Variants in RPAIN observed in about 807,000 individuals in gnomAD.
RPAIN encodes the protein RPA interacting protein.
In RPAIN, 29 loss-of-function variants were observed where a neutral mutation model predicts 30.5. That is an observed-to-expected ratio of 0.95 (90% CI 0.71 to 1.30). RPAIN has a LOEUF of 1.30. Ranked by LOEUF, RPAIN falls within the 50% of genes most tolerant of loss-of-function variation. The pLI, the probability that RPAIN is intolerant of heterozygous loss-of-function variation, is 0.00. For synonymous variants in RPAIN, 101 were observed against 93.5 expected, an observed-to-expected ratio of 1.08 and a Z score of -0.46; for missense variants, 247 against 264.7, an observed-to-expected ratio of 0.93 and a Z score of 0.46.
chr17:5,420,902 A>T (rs531871031), intron 1 of RPAIN, among the ~76,000 whole-genome samples: 1 of 152,330 alleles, frequency 6.6e-6, no homozygotes, highest in African/African-American at 2.4e-5. Context: ...GTCTCCAAGC[A>T]TTGCCAAATG....
At chr17:5,420,378 G>A in intron 1 of RPAIN, 87 bp downstream of exon 1, 1 of 1,192,510 alleles carries the variant, frequency 8.4e-7, no homozygotes, top group Non-Finnish European at 1.2e-6. Flanking sequence ...CTGCTCCGTG[G>A]AGCAGGTGCC....
intron 5 of RPAIN, chr17:5,426,574 T>A (rs1466439831): frequency 2.7e-6 from 1 of 370,900 alleles, no homozygotes; most frequent in African/African-American, 2.1e-5. Flanking sequence ...AACGCCTGTA[T>A]CTGACGTTTC....
chr17:5,422,497 C>T (rs1428187542), intron 2 of RPAIN, among the ~76,000 whole-genome samples: 3 of 152,148 alleles, frequency 2.0e-5, no homozygotes, highest in African/African-American at 7.2e-5. Flanking sequence ...CATGTGGTTA[C>T]GTAGCCTTGG....
chr17:5,428,290 CCT>C (rs1344960384), intron 6 of RPAIN, 79 bp downstream of exon 6: 1 of 1,605,764 alleles, frequency 6.2e-7, no homozygotes, highest in Non-Finnish European at 8.5e-7. Context: ...GAAATAATGA[CCT>C]ATAAACAGGT....
At chr17:5,431,564 A>G in intron 6 of RPAIN, 1 of 455,424 alleles carries the variant, frequency 2.2e-6, no homozygotes, top group South Asian at 1.6e-5. Flanking sequence ...AAAGGTAGAC[A>G]TTTGGAATGC....
intron 3 of RPAIN, among the ~76,000 whole-genome samples, chr17:5,423,662 AG>A (rs1331073028): frequency 6.6e-6 from 1 of 152,206 alleles, no homozygotes; most frequent in Admixed American, 6.5e-5. Context: ...TCCTTGAGGG[AG>A]GTGTCCATAG....
At position 5,428,235 on chromosome 17, in the gene RPAIN, C is replaced by G. The variant is rs371342862; in HGVS notation, c.630+24C>G. The G allele has an allele frequency of 9.9e-6, 16 of 1,613,986 alleles. No homozygotes were observed. In the African/African-American group the frequency reaches 2.1e-4, roughly 22 times the overall value. On this transcript the variant is annotated intron_variant, in intron 6 of 6. Coordinates refer to ENST00000381209, the MANE Select transcript of RPAIN (RefSeq NM_001033002.4). The stretch of plus-strand genomic sequence containing the variant: ...TGGTAAGCGTCTCCTGGGACCCACT[C>G]TGTGGTAAGAGGGACCTGTGGTTGG...
chr17:5,423,574 T>TG (rs1272070726), intron 3 of RPAIN, among the ~76,000 whole-genome samples: 13 of 152,182 alleles, frequency 8.5e-5, no homozygotes, highest in African/African-American at 3.1e-4. Context: ...ACAGTGATAG[T>TG]GCATGGTCTG....
At chr17:5,421,608 T>A in intron 2 of RPAIN, 142 bp downstream of exon 2, 3 of 637,468 alleles carry the variant, frequency 4.7e-6, no homozygotes. Context: ...TAACCCAGGC[T>A]TTTCTACACT....
chr17:5,427,988 T>C (rs1915561612), intron 5 of RPAIN, 83 bp from the exon 6 acceptor site: 6 of 1,365,294 alleles, frequency 4.4e-6, no homozygotes, highest in Non-Finnish European at 6.3e-6. Flanking sequence ...GCCACGGTTA[T>C]ATTGGTTGGC....
At chr17:5,420,862 C>A (rs918862317) in intron 1 of RPAIN, among the ~76,000 whole-genome samples, 4 of 152,164 alleles carry the variant, frequency 2.6e-5, no homozygotes, top group Non-Finnish European at 5.9e-5. Context: ...TGCTAATAGT[C>A]CTATAACTAG....
rs543684245 is a variant in RPAIN, at chr17:5,429,016, T to C, written c.630+805T>C. The C allele has an allele frequency of 5.4e-4, 532 of 978,144 alleles. 1 individual carries two copies. The highest frequency in any genetic ancestry group is 9.2e-4 in the Admixed American group (15 of 16,272). The allele number at this position is 978,144 out of a possible 1,614,324, so 60.6% of individuals were successfully genotyped here. Reference sequence around the variant, plus strand: ...ATTGCCTGGTAACAGCCATTTCACCTTTATCAAGTTTCTTCCATAGGTATT... The same window carrying C: ...ATTGCCTGGTAACAGCCATTTCACCCTTATCAAGTTTCTTCCATAGGTATT... On this transcript the variant is annotated intron_variant, in intron 6 of 6. Coordinates refer to ENST00000381209, the MANE Select transcript of RPAIN (RefSeq NM_001033002.4).
intron 6 of RPAIN, chr17:5,431,611 G>A: frequency 2.2e-6 from 1 of 456,660 alleles, no homozygotes; most frequent in East Asian, 7.0e-5. Context: ...CACTTAAGGG[G>A]GAATCAAGGA....
chr17:5,424,961 T>G lies in RPAIN; in HGVS notation c.314-1010T>G, dbSNP rs1041892640. ...CTGAAGTGACAAGGATTTACTGTGTTGTGCTGTACTCAGCCATAAGGAACA... is the reference window on the plus strand; with the variant it reads ...CTGAAGTGACAAGGATTTACTGTGTGGTGCTGTACTCAGCCATAAGGAACA... On this transcript the variant is annotated intron_variant, in intron 3 of 6. Coordinates refer to ENST00000381209, the MANE Select transcript of RPAIN (RefSeq NM_001033002.4). Among the ~76,000 whole-genome samples, 17 of 152,222 alleles carry G rather than the reference T, an allele frequency of 1.1e-4. 1 individual carries two copies. Among genetic ancestry groups the G allele is most frequent in the Non-Finnish European group, 2.4e-4 (16 of 68,048 alleles).
At chr17:5,431,637 C>A (rs1211559868) in intron 6 of RPAIN, 2 of 456,588 alleles carry the variant, frequency 4.4e-6, no homozygotes, top group African/African-American at 4.0e-5. Flanking sequence ...GTGTTAGAAT[C>A]CAGTGAGGTC....
chr17:5,432,439 G>A (rs1422985781), intron 6 of RPAIN, 103 bp from the exon 7 acceptor site: 3 of 1,073,004 alleles, frequency 2.8e-6, no homozygotes, highest in African/African-American at 1.6e-5. Flanking sequence ...GGACTCAGGA[G>A]ACCTCATCTA....
At chr17:5,431,486 A>AAAAG (rs965275718) in intron 6 of RPAIN, 1 of 332,068 alleles carries the variant, frequency 3.0e-6, no homozygotes, top group African/African-American at 2.2e-5. Flanking sequence ...TTGTGCCTTA[A>AAAAG]AAAAAAAAAA....
At chr17:5,422,436 T>C (rs1009706872) in intron 2 of RPAIN, among the ~76,000 whole-genome samples, 1 of 152,202 alleles carries the variant, frequency 6.6e-6, no homozygotes, top group Non-Finnish European at 1.5e-5. Context: ...ATAGATTTTA[T>C]TCCCACTTTA....
In RPAIN at chr17:5,420,321, C is replaced by T. The variant is rs1229769018; in HGVS notation, c.81+30C>T. The T allele has an allele frequency of 2.5e-6, 4 of 1,586,996 alleles. No individual in the cohort carries two copies. In the African/African-American group the frequency reaches 4.0e-5, roughly 16 times the overall value. ...GTATGGGGTTTGTGCAGTGGTCTAC[C>T]CTAGATCGTCCCGGTGACCGCCGTC... On this transcript the variant is annotated intron_variant, in intron 1 of 6. Transcript: ENST00000381209.
Sources: allele counts gnomAD v4.1 joint callset (sites outside exome capture counted in the v4.1 genomes callset), GRCh38; gene constraint gnomAD v4.1.1; transcripts MANE v1.5; gene names NCBI Gene and HGNC (gene_info 2026-07-23, HGNC 2026-07-21).